The following NOS1AP variants were observed in gnomAD, a reference collection of about 807,000 sequenced individuals.
NOS1AP encodes nitric oxide synthase 1 adaptor protein, also known as carboxyl-terminal PDZ ligand of neuronal nitric oxide synthase protein.
NOS1AP carries 21 observed loss-of-function variants against 56.2 expected under a neutral mutation model. The ratio of observed to expected loss-of-function variants is 0.37; its 90% confidence interval spans 0.26 to 0.54. The LOEUF is 0.54. NOS1AP is among the 20% of genes least tolerant of loss of function. The probability of loss-of-function intolerance (pLI) is 0.84; values close to 1 mark genes in which losing one functional copy is unlikely to be tolerated. For missense variants in NOS1AP, 522 were observed against 657.8 expected (o/e 0.79, Z 2.26); for synonymous variants, 270 against 274.6 (o/e 0.98, Z 0.17).
Position 162,081,774 on chromosome 1 carries a change from A to ATTT in NOS1AP, c.105+11500_105+11502dup, listed in dbSNP as rs59767273. On this transcript the variant is annotated intron_variant, in intron 1 of 9. Coordinates refer to ENST00000361897, the MANE Select transcript of NOS1AP (RefSeq NM_014697.3). ...TCTATAGATATATATATATATATAT[A>ATTT]TTTTTTTTTTGTAGAGATGGGTTTT... 3.6e-4 allele frequency among the ~76,000 whole-genome samples: 16 copies of ATTT among 44,058 alleles called. 2 individuals carry two copies. The highest frequency in any genetic ancestry group is 6.1e-4 in the African/African-American group (8 of 13,084). 28.9% of individuals were successfully genotyped at this position (44,058 alleles called of 152,430 possible). A position where few individuals can be genotyped will look rare whatever the true frequency, so the allele number is the denominator to read the frequency against.
intron 3 of NOS1AP, among the ~76,000 whole-genome samples, chr1:162,287,834 T>C (rs1237048995): frequency 1.3e-5 from 2 of 152,186 alleles, no homozygotes; most frequent in Non-Finnish European, 2.9e-5. Flanking sequence ...TCCCCTTCGA[T>C]TGCAGGACCA....
Position 162,070,188 on chromosome 1 carries a change from A to G in NOS1AP, c.11A>G (p.Lys4Arg). The G allele has an allele frequency of 6.2e-7, 1 of 1,613,868 alleles. No individual in the cohort carries two copies. The highest frequency in any genetic ancestry group is 8.5e-7 in the Non-Finnish European group (1 of 1,179,834). Residue 4 changes from lysine to arginine, a missense_variant, in exon 1 of 10, where the codon AAA (lysine) becomes AGA (arginine). By Grantham distance (26) the Lys-to-Arg change is conservative. Transcript: ENST00000361897. MPS[K>R]TKYNLVDDGH... ...CCGCCGCGGGTAACCATGCCTAGCA[A>G]AACCAAGTACAACCTTGTGGACGAT...
chr1:162,252,225 T>G (rs1188464592), intron 2 of NOS1AP, among the ~76,000 whole-genome samples: 6 of 152,170 alleles, frequency 3.9e-5, no homozygotes, highest in African/African-American at 1.4e-4. Context: ...TTTTGTATTT[T>G]TTATAGAGAG....
intron 2 of NOS1AP, among the ~76,000 whole-genome samples, chr1:162,274,337 G>A (rs1213621030): frequency 1.3e-5 from 2 of 152,156 alleles, no homozygotes; most frequent in African/African-American, 4.8e-5. Context: ...GGAACTTACA[G>A]AGACGGTCCA....
At chr1:162,339,972 G>A (rs1657057166) in intron 5 of NOS1AP, among the ~76,000 whole-genome samples, 1 of 152,194 alleles carries the variant, frequency 6.6e-6, no homozygotes, top group African/African-American at 2.4e-5. Flanking sequence ...AAAAGGTCAA[G>A]GGACATCAGA....
At chr1:162,319,051 G>A (rs1006057809) in intron 4 of NOS1AP, among the ~76,000 whole-genome samples, 4 of 152,164 alleles carry the variant, frequency 2.6e-5, no homozygotes, top group Admixed American at 1.3e-4. Flanking sequence ...GGGTTGGTTT[G>A]TCTGGCTGCA....
intron 1 of NOS1AP, among the ~76,000 whole-genome samples, chr1:162,118,849 C>A (rs1392961654): frequency 1.3e-5 from 2 of 152,094 alleles, no homozygotes. Flanking sequence ...TCTGTGAGTT[C>A]TTTTCACTTT....
intron 4 of NOS1AP, among the ~76,000 whole-genome samples, chr1:162,331,404 A>G (rs1656761705): frequency 6.6e-6 from 1 of 152,094 alleles, no homozygotes; most frequent in South Asian, 2.1e-4. Context: ...CTCAGTTACT[A>G]GGCTGTTTAG....
chr1:162,357,000 G>A lies in NOS1AP; in HGVS notation c.803G>A (p.Arg268Lys), dbSNP rs1359612508. 1 of 1,614,082 alleles carries A rather than the reference G, an allele frequency of 6.2e-7. No homozygotes were observed. Among genetic ancestry groups the A allele is most frequent in the Admixed American group, 1.7e-5 (1 of 60,024 alleles). The change falls in exon 8 of 10, where the codon AGG becomes AAG. Residue 268 changes from arginine to lysine, a missense_variant. Arg to Lys is a conservative substitution (Grantham distance 26). Transcript: ENST00000361897. The stretch of plus-strand genomic sequence containing the variant: ...GAGCCCATGCTGACAGCCTCACCCA[G>A]GATGCTGCTCCCTTCTTCTTCCTCG... ...PQEPMLTASP[R>K]MLLPSSSSKP...
intron 8 of NOS1AP, chr1:162,363,339 A>G (rs1380864755): frequency 6.6e-6 from 1 of 152,644 alleles, no homozygotes; most frequent in Non-Finnish European, 1.5e-5. Flanking sequence ...ACCAGATGGA[A>G]GAGATGCATA....
chr1:162,347,977 C>CT (rs1657357843), intron 6 of NOS1AP, among the ~76,000 whole-genome samples: 1 of 152,162 alleles, frequency 6.6e-6, no homozygotes, highest in African/African-American at 2.4e-5. Context: ...AATTTAAACC[C>CT]TTTTTTTCTG....
chr1:162,300,019 C>T (rs1480016815), intron 3 of NOS1AP, among the ~76,000 whole-genome samples: 1 of 152,178 alleles, frequency 6.6e-6, no homozygotes, highest in African/African-American at 2.4e-5. Context: ...TTGAGTCCTT[C>T]TTTCATGGAT....
chr1:162,118,080 A>G (rs1449508324), intron 1 of NOS1AP, among the ~76,000 whole-genome samples: 1 of 152,262 alleles, frequency 6.6e-6, no homozygotes, highest in Non-Finnish European at 1.5e-5. Flanking sequence ...TGTTTTATTA[A>G]TAACAATTGC....
chr1:162,171,533 T>A (rs1444377522), intron 2 of NOS1AP, among the ~76,000 whole-genome samples: 1 of 152,184 alleles, frequency 6.6e-6, no homozygotes, highest in Non-Finnish European at 1.5e-5. Flanking sequence ...GGCTTCTTCC[T>A]GTGCTTTACT....
intron 2 of NOS1AP, among the ~76,000 whole-genome samples, chr1:162,164,067 A>G (rs1176211208): frequency 2.6e-5 from 4 of 152,218 alleles, no homozygotes; most frequent in Non-Finnish European, 5.9e-5. Flanking sequence ...GCTTTGCTTT[A>G]TTACAGTTAT....
At chr1:162,364,273 T>C in intron 8 of NOS1AP, 1 of 985,462 alleles carries the variant, frequency 1.0e-6, no homozygotes, top group Non-Finnish European at 1.2e-6. Flanking sequence ...CACACCATGG[T>C]TTTGGTACAA....
intron 2 of NOS1AP, among the ~76,000 whole-genome samples, chr1:162,264,053 A>G (rs1035133329): frequency 1.3e-5 from 2 of 152,154 alleles, no homozygotes; most frequent in Non-Finnish European, 2.9e-5. Context: ...CCCTACATCT[A>G]CATCAGACTT....
chr1:162,141,268 C>T (rs1215499445), intron 1 of NOS1AP, among the ~76,000 whole-genome samples: 2 of 152,194 alleles, frequency 1.3e-5, no homozygotes, highest in African/African-American at 4.8e-5. Context: ...CCAGATGGCT[C>T]AAATTCATAG....
chr1:162,086,094 GC>G (rs1691993738), intron 1 of NOS1AP, among the ~76,000 whole-genome samples: 2 of 152,176 alleles, frequency 1.3e-5, no homozygotes, highest in South Asian at 4.1e-4. Flanking sequence ...ACTCATGGGT[GC>G]TGCTGCGATG....
Sources: gnomAD v4.1 joint callset for allele counts (sites outside exome capture counted in the v4.1 genomes callset) on GRCh38, gnomAD v4.1.1 for gene constraint, MANE v1.5 for transcripts, NCBI Gene and HGNC (gene_info 2026-07-23, HGNC 2026-07-21) for gene names.